Variants in HDC observed in about 807,000 individuals in gnomAD.
HDC encodes histidine decarboxylase.
Under a neutral mutation model 64.4 loss-of-function variants are expected in HDC, and 27 were observed. That is an observed-to-expected ratio of 0.42 (90% confidence interval 0.31 to 0.58). The LOEUF (loss-of-function observed/expected upper bound fraction) is 0.58. HDC is among the 20% of genes least tolerant of loss of function. HDC has a pLI of 0.16. For missense variants in HDC, 711 were observed against 833.9 expected, an observed-to-expected ratio of 0.85 and a Z score of 1.81; for synonymous variants, 305 against 314.2, an observed-to-expected ratio of 0.97 and a Z score of 0.31.
At position 50,243,005 on chromosome 15, in the gene HDC, C is replaced by A. The variant is rs1302417310; in HGVS notation, c.1244G>T (p.Gly415Val). The A allele has an allele frequency of 6.2e-7, 1 of 1,613,970 alleles. No homozygotes were observed. Among genetic ancestry groups the A allele is most frequent in the Non-Finnish European group, 8.5e-7 (1 of 1,180,026 alleles). ...HLGLVVFRLKGPNCLTENVLK... is the reference protein window; with the variant it reads ...HLGLVVFRLKVPNCLTENVLK... ...CACATTTTCTGTGAGACAATTAGGA[C>A]CCTGTTTGAAAAATAAAGGAAGTGA... Residue 415 changes from glycine (G) to valine (V), a missense_variant and splice_region_variant, in exon 12 of 12, where the codon GGT becomes GTT. Around this residue, in one of 3 missense-constraint regions of HDC, gnomAD observed 483 missense variants for 540.9 expected, o/e 0.89. Coordinates refer to ENST00000267845, the MANE Select transcript of HDC (RefSeq NM_002112.4).
rs749782576 is a variant in HDC, at chr15:50,248,382, A to C, written c.1042-39T>G. Reference sequence around the variant, plus strand: ...AACACAGTGCCCAAGGTTAGAGACAAGGGTGCCCCACTCCCTCGGGCATTT... The same window carrying C: ...AACACAGTGCCCAAGGTTAGAGACACGGGTGCCCCACTCCCTCGGGCATTT... On this transcript the variant is annotated intron_variant, in intron 9 of 11. Coordinates refer to ENST00000267845, the MANE Select transcript of HDC (RefSeq NM_002112.4). The surrounding 1 kb of genome is among the most constrained non-coding windows in gnomAD (Gnocchi z 4.3). 6.9e-7 allele frequency: 1 copy of C among 1,446,380 alleles called. No homozygotes were observed. Among genetic ancestry groups the C allele is most frequent in the Admixed American group, 1.7e-5 (1 of 59,486 alleles). 89.6% of individuals were successfully genotyped at this position (1,446,380 alleles called of 1,614,324 possible).
intron 5 of HDC, 44 bp downstream of exon 5, chr15:50,254,486 G>A (rs1176559714): frequency 6.2e-7 from 1 of 1,613,728 alleles, no homozygotes; most frequent in South Asian, 1.1e-5. Flanking sequence ...GATTCCAGAA[G>A]CCAAGCACCA....
intron 10 of HDC, 115 bp from the exon 11 acceptor site, chr15:50,243,359 G>A (rs753253272): frequency 1.8e-5 from 14 of 773,162 alleles, no homozygotes; most frequent in Non-Finnish European, 2.8e-5. Flanking sequence ...CACAGCCGTT[G>A]TAAGCGGCTT....
chr15:50,264,222 C>CT (rs1309339037), intron 1 of HDC, among the ~76,000 whole-genome samples: 3 of 152,120 alleles, frequency 2.0e-5, no homozygotes, highest in African/African-American at 7.2e-5. Flanking sequence ...TATTATTCAT[C>CT]TTTTTTGGAC....
In HDC at chr15:50,265,650, C is replaced by T; in HGVS notation, c.-27G>A. On this transcript the variant is annotated 5_prime_UTR_variant, in exon 1 of 12. The change creates a new upstream start codon in the 5' untranslated region. Coordinates refer to ENST00000267845, the MANE Select transcript of HDC (RefSeq NM_002112.4). ...TCCCTTGGGCTCTGGCTCCTTCTCA[C>T]AGATGGACACGCAGGAGGTGGAAGG... 1.7e-5 allele frequency: 27 copies of T among 1,612,688 alleles called. No individual in the cohort carries two copies. Among genetic ancestry groups the T allele is most frequent in the Non-Finnish European group, 2.3e-5 (27 of 1,178,718 alleles).
At position 50,243,240 on chromosome 15, in the gene HDC, G is replaced by T; in HGVS notation, c.1145C>A (p.Thr382Asn). 6.3e-7 allele frequency: 1 copy of T among 1,599,848 alleles called. No homozygotes were observed. Among genetic ancestry groups the T allele is most frequent in the Non-Finnish European group, 8.6e-7 (1 of 1,166,946 alleles). ...AGATTCAAAATATTTAGCCATTTCA[G>T]TACCCTGGAATTGCAAGTATAAAGA... The part of the protein sequence containing the change: ...KNLQAHVRHG[T>N]EMAKYFESLV... The change falls in exon 11 of 12, where the codon ACT becomes AAT. Residue 382 changes from threonine (T) to asparagine (N), a missense_variant. Physicochemically the swap from Thr to Asn is moderately conservative, Grantham distance 65 (BLOSUM62 0). Coordinates refer to ENST00000267845, the MANE Select transcript of HDC (RefSeq NM_002112.4).
Position 50,254,253 on chromosome 15 carries a change from C to A in HDC, c.597G>T (p.Lys199Asn). 6.2e-7 allele frequency: 1 copy of A among 1,614,134 alleles called. No homozygotes were observed. Among genetic ancestry groups the A allele is most frequent in the Non-Finnish European group, 8.5e-7 (1 of 1,180,020 alleles). Residue 199 changes from lysine (K) to asparagine (N), a missense_variant, in exon 6 of 12, where the codon AAG (lysine) becomes AAT (asparagine). By Grantham distance (94) the Lys-to-Asn change is moderately conservative. Coordinates refer to ENST00000267845, the MANE Select transcript of HDC (RefSeq NM_002112.4). The part of the protein sequence containing the change: ...ASDQAHSSVE[K>N]AGLISLVKMK... ...TCTTCACAAGGGAAATCAAACCAGCCTTTTCCACAGAGGAGTGAGCCTAGA... is the reference window on the plus strand; with the variant it reads ...TCTTCACAAGGGAAATCAAACCAGCATTTTCCACAGAGGAGTGAGCCTAGA...
chr15:50,264,664 T>C (rs1443911244), intron 1 of HDC, among the ~76,000 whole-genome samples: 1 of 152,170 alleles, frequency 6.6e-6, no homozygotes, highest in East Asian at 1.9e-4. Context: ...TGCTTTTACC[T>C]AGGAGAGGGG....
Position 50,242,475 on chromosome 15 carries a change from C to G in HDC, c.1774G>C (p.Val592Leu), listed in dbSNP as rs992976509. ...GTGGGCAGTGGCTTCTGAGCACTCACTGGCACACTGTTGCAACTGAGGGAG... is the reference window on the plus strand; with the variant it reads ...GTGGGCAGTGGCTTCTGAGCACTCAGTGGCACACTGTTGCAACTGAGGGAG... ...VRSLSCNSVP[V>L]SAQKPLPTEA... The change falls in exon 12 of 12, where the codon GTG (valine) becomes CTG (leucine). Residue 592 changes from valine (V) to leucine (L), a missense_variant. Coordinates refer to ENST00000267845, the MANE Select transcript of HDC (RefSeq NM_002112.4). The G allele has an allele frequency of 2.5e-6, 4 of 1,614,084 alleles. No homozygotes were observed. The Admixed American group carries it at 6.7e-5, about 27-fold the overall frequency.
intron 1 of HDC, among the ~76,000 whole-genome samples, chr15:50,264,798 A>C (rs1232919396): frequency 6.6e-6 from 1 of 151,852 alleles, no homozygotes; most frequent in East Asian, 1.9e-4. Flanking sequence ...CTCCCCTTCA[A>C]CCCTCTCACA....
intron 2 of HDC, among the ~76,000 whole-genome samples, chr15:50,262,930 T>A (rs1165184464): frequency 1.2e-4 from 19 of 152,040 alleles, no homozygotes; most frequent in Non-Finnish European, 2.2e-4. Context: ...TCTCCACCCA[T>A]CCCATTAGAC....
At position 50,248,285 on chromosome 15, in the gene HDC, C is replaced by T. The variant is rs773949912; in HGVS notation, c.1100G>A (p.Arg367Gln). ...TTGAAGATTCTTCACCCCGAAGGAC[C>T]GAATCACGAACCAGAGTTTAACAGA... ...FRSVKLWFVI[R>Q]SFGVKNLQAH... The change falls in exon 10 of 12, where the codon CGG becomes CAG. Residue 367 changes from arginine to glutamine, a missense_variant. Arg to Gln is a conservative substitution (Grantham distance 43). Around this residue, in one of 3 missense-constraint regions of HDC, gnomAD observed 483 missense variants for 540.9 expected, o/e 0.89. Transcript: ENST00000267845. The surrounding 1 kb of genome is among the most constrained non-coding windows in gnomAD (Gnocchi z 4.3). The T allele has an allele frequency of 3.7e-6, 6 of 1,614,022 alleles. No individual in the cohort carries two copies. Among genetic ancestry groups the T allele is most frequent in the South Asian group, 2.2e-5 (2 of 91,072 alleles).
chr15:50,241,976 T>C lies in HDC; in HGVS notation c.*284A>G, dbSNP rs1008016367. ...GTTTCAGGGACAAGCATAATTTATT[T>C]CTGTGTTATATATCATGTCACAAGC... On this transcript the variant is annotated 3_prime_UTR_variant, in exon 12 of 12. Transcript: ENST00000267845. 59 of 512,218 alleles carry C rather than the reference T, an allele frequency of 1.2e-4. No individual in the cohort carries two copies. The highest frequency in any genetic ancestry group is 9.7e-4 in the African/African-American group (51 of 52,492). 31.7% of individuals were successfully genotyped at this position (512,218 alleles called of 1,614,324 possible).
At chr15:50,251,159 A>C (rs2045549241) in intron 9 of HDC, among the ~76,000 whole-genome samples, 1 of 152,238 alleles carries the variant, frequency 6.6e-6, no homozygotes, top group Admixed American at 6.5e-5. Context: ...GGAAATCTGG[A>C]CACAGAGTTT....
chr15:50,254,738 T>TTC (rs55859417), intron 4 of HDC, 74 bp from the exon 5 acceptor site: 33,421 of 850,426 alleles, frequency 0.039, 301 homozygotes, highest in African/African-American at 0.071. Flanking sequence ...TTCTAGTTTT[T>TTC]TCTCTCTCTC....
At chr15:50,262,090 T>C (rs966584654) in intron 2 of HDC, among the ~76,000 whole-genome samples, 1 of 152,056 alleles carries the variant, frequency 6.6e-6, no homozygotes, top group Admixed American at 6.6e-5. Flanking sequence ...CCTCTAAACA[T>C]GTGTGGTTCA....
chr15:50,254,452 AG>A (rs1439769970), intron 5 of HDC, 77 bp downstream of exon 5: 11 of 1,600,842 alleles, frequency 6.9e-6, no homozygotes, highest in Non-Finnish European at 8.6e-6. Context: ...ACTCACGTCT[AG>A]AAAAAAATTG....
intron 1 of HDC, among the ~76,000 whole-genome samples, chr15:50,265,385 G>C (rs538842928): frequency 3.9e-5 from 6 of 152,092 alleles, no homozygotes; most frequent in Admixed American, 2.0e-4. Flanking sequence ...GGGTATATGA[G>C]AGGGAGAATG....
rs1567443452 is a variant in HDC at position 50,242,454 on chromosome 15, G to A, written c.1795C>T (p.Pro599Ser). 2 of 1,614,006 alleles carry A rather than the reference G, an allele frequency of 1.2e-6. No individual in the cohort carries two copies. Among genetic ancestry groups the A allele is most frequent in the East Asian group, 2.2e-5 (1 of 44,890 alleles). ...SVPVSAQKPL[P>S]TEASVKNGGS... is the part of the protein sequence containing the mutation. The stretch of plus-strand genomic sequence containing the variant: ...CCATTCTTCACAGAGGCCTCTGTGG[G>A]CAGTGGCTTCTGAGCACTCACTGGC... The change falls in exon 12 of 12, where the codon CCC becomes TCC. Residue 599 changes from proline (P) to serine (S), a missense_variant. Physicochemically the swap from Pro to Ser is moderately conservative, Grantham distance 74 (BLOSUM62 -1). This residue lies in a region of HDC where 483 missense variants were observed against 540.9 expected (regional missense o/e 0.89). Transcript: ENST00000267845.
Sources: gnomAD v4.1 joint callset for allele counts (sites outside exome capture counted in the v4.1 genomes callset) on GRCh38, gnomAD v4.1.1 for gene constraint, gnomAD v4.1.1 regional missense constraint, Gnocchi (gnomAD v3.1) non-coding constraint, MANE v1.5 for transcripts, NCBI Gene and HGNC (gene_info 2026-07-23, HGNC 2026-07-21) for gene names.